PRXL2A: variants seen among roughly 807,000 people sequenced by gnomAD.
PRXL2A encodes peroxiredoxin-like 2A.
Under a neutral mutation model 25.6 loss-of-function variants are expected in PRXL2A, and 26 were observed. The ratio of observed to expected loss-of-function variants is 1.02; its 90% CI spans 0.74 to 1.41. PRXL2A has a LOEUF of 1.41. Ranked by LOEUF, PRXL2A falls within the 40% of genes most tolerant of loss-of-function variation. The pLI is 0.00. For synonymous variants in PRXL2A, 98 were observed against 102.9 expected (o/e 0.95, Z 0.29); for missense variants, 246 against 273.9 (o/e 0.90, Z 0.72).
At chr10:80,421,438 A>G (rs1265709343) in intron 2 of PRXL2A, among the ~76,000 whole-genome samples, 1 of 152,196 alleles carries the variant, frequency 6.6e-6, no homozygotes, top group Non-Finnish European at 1.5e-5. Flanking sequence ...TGGCGTGGTC[A>G]CCATGTTAGC....
intron 1 of PRXL2A, among the ~76,000 whole-genome samples, chr10:80,417,997 C>T (rs957363410): frequency 1.3e-5 from 2 of 151,794 alleles, no homozygotes; most frequent in Admixed American, 6.6e-5. Context: ...CAGGAGCCAC[C>T]GCACTCAACC....
chr10:80,434,662 T>C lies in PRXL2A; in HGVS notation c.*2563T>C, dbSNP rs1466585973. ...AAATAGAACTAGGGAAGTGCAAAATTACAAAAAGCTGGTAAGGAGATTGGT... is the reference window on the plus strand; with the variant it reads ...AAATAGAACTAGGGAAGTGCAAAATCACAAAAAGCTGGTAAGGAGATTGGT... On this transcript the variant is annotated 3_prime_UTR_variant, in exon 6 of 6. Coordinates refer to ENST00000606162, the MANE Select transcript of PRXL2A (RefSeq NM_032333.5). The C allele has an allele frequency of 2.0e-5, 3 of 151,988 alleles. No homozygotes were observed. The highest frequency in any genetic ancestry group is 4.4e-5 in the Non-Finnish European group (3 of 68,006). The allele number at this position is 151,988 out of a possible 1,614,324, so 9.4% of individuals were successfully genotyped here.
intron 1 of PRXL2A, chr10:80,413,927 C>T (rs1844561505): frequency 8.8e-7 from 1 of 1,135,994 alleles, no homozygotes; most frequent in Non-Finnish European, 1.1e-6. Context: ...GGGTAAGAGA[C>T]CGTTTGAGGA....
intron 1 of PRXL2A, 119 bp from the exon 2 acceptor site, chr10:80,420,347 G>C: frequency 6.8e-7 from 1 of 1,469,618 alleles, no homozygotes. Context: ...TGACACTGCT[G>C]CTCCCTTCCC....
chr10:80,431,500 G>C (rs538163256), intron 5 of PRXL2A, among the ~76,000 whole-genome samples: 1 of 151,632 alleles, frequency 6.6e-6, no homozygotes, highest in East Asian at 1.9e-4. Context: ...TTTTTTCACT[G>C]TATGAGAAGA....
chr10:80,424,793 G>A (rs548457033), intron 3 of PRXL2A, among the ~76,000 whole-genome samples: 1 of 152,330 alleles, frequency 6.6e-6, no homozygotes, highest in African/African-American at 2.4e-5. Context: ...CCCAGGAGGT[G>A]TAGGTTGCAT....
At chr10:80,418,987 TTTTC>T (rs1256382140) in intron 1 of PRXL2A, among the ~76,000 whole-genome samples, 1 of 151,818 alleles carries the variant, frequency 6.6e-6, no homozygotes, top group Non-Finnish European at 1.5e-5. Context: ...CTTTCTTTTC[TTTTC>T]TTTCTTTTTT....
chr10:80,419,283 C>T (rs956653156), intron 1 of PRXL2A, among the ~76,000 whole-genome samples: 19 of 150,238 alleles, frequency 1.3e-4, no homozygotes, highest in African/African-American at 4.6e-4. Context: ...CGTGCCCTGC[C>T]AGGACTTCCT....
chr10:80,413,711 AAG>A (rs1261619397), intron 1 of PRXL2A: 1 of 282,354 alleles, frequency 3.5e-6, no homozygotes, highest in African/African-American at 2.3e-5. Context: ...TTGGCAGCTG[AAG>A]GAGCCCCAGG....
chr10:80,408,948 C>A, intron 1 of PRXL2A: 1 of 830,180 alleles, frequency 1.2e-6, no homozygotes, highest in Non-Finnish European at 1.5e-6. Context: ...TCTGTCCACG[C>A]CCGCAAGCCT....
rs1251489539 is a variant in PRXL2A at position 80,432,837 on chromosome 10, A to G, written c.*738A>G. On this transcript the variant is annotated 3_prime_UTR_variant, in exon 6 of 6. Coordinates refer to ENST00000606162, the MANE Select transcript of PRXL2A (RefSeq NM_032333.5). The stretch of plus-strand genomic sequence containing the variant: ...TAATTGGTTATATGATGTCAAAGTA[A>G]TACTTTCATAATAGAATTGACATGC... 1 of 152,144 alleles carries G rather than the reference A, an allele frequency of 6.6e-6. No individual in the cohort carries two copies. Among genetic ancestry groups the G allele is most frequent in the Non-Finnish European group, 1.5e-5 (1 of 68,024 alleles). The allele number at this position is 152,144 out of a possible 1,614,324, so 9.4% of individuals were successfully genotyped here.
intron 3 of PRXL2A, among the ~76,000 whole-genome samples, chr10:80,425,345 G>A (rs1379919342): frequency 6.6e-6 from 1 of 152,188 alleles, no homozygotes; most frequent in Non-Finnish European, 1.5e-5. Flanking sequence ...GGCACTGAGG[G>A]TTCCAAGAAA....
intron 1 of PRXL2A, among the ~76,000 whole-genome samples, chr10:80,416,372 G>A (rs1844661557): frequency 1.3e-5 from 2 of 152,226 alleles, no homozygotes; most frequent in Admixed American, 1.3e-4. Flanking sequence ...ACTGCAGAAT[G>A]TCACCAAAGG....
At chr10:80,423,258 C>A (rs139497227) in intron 3 of PRXL2A, among the ~76,000 whole-genome samples, 1 of 152,344 alleles carries the variant, frequency 6.6e-6, no homozygotes, top group East Asian at 1.9e-4. Flanking sequence ...TGAGAAGGAA[C>A]ATTGCCACTA....
intron 1 of PRXL2A, chr10:80,420,032 T>C (rs1331615762): frequency 9.1e-6 from 9 of 985,762 alleles, no homozygotes; most frequent in Non-Finnish European, 1.1e-5. Flanking sequence ...AAGCTGCCCC[T>C]ACCCAGGGAC....
chr10:80,407,877 C>T (rs1844327079), upstream of PRXL2A: 1 of 152,278 alleles, frequency 6.6e-6, no homozygotes. Context: ...CTCCCAAAGC[C>T]CTGAGATTAC....
intron 1 of PRXL2A, among the ~76,000 whole-genome samples, chr10:80,416,126 G>A (rs1564689048): frequency 6.6e-6 from 1 of 152,152 alleles, no homozygotes; most frequent in Non-Finnish European, 1.5e-5. Flanking sequence ...TAAGAGCTGT[G>A]GTTTTCCTCC....
intron 1 of PRXL2A, among the ~76,000 whole-genome samples, chr10:80,416,483 TGGG>T (rs1844665179): frequency 6.6e-6 from 1 of 151,954 alleles, no homozygotes; most frequent in South Asian, 2.1e-4. Context: ...CAACACCTCT[TGGG>T]GGTAGAAGTG....
chr10:80,425,359 A>G (rs1845007179), intron 3 of PRXL2A, among the ~76,000 whole-genome samples: 2 of 152,238 alleles, frequency 1.3e-5, no homozygotes. Context: ...CAAGAAATGG[A>G]AGACATAGTT....
Sources: gnomAD v4.1 joint callset for allele counts (sites outside exome capture counted in the v4.1 genomes callset) on GRCh38, gnomAD v4.1.1 for gene constraint, MANE v1.5 for transcripts, NCBI Gene and HGNC (gene_info 2026-07-23, HGNC 2026-07-21) for gene names.